The following HTT variants were observed in gnomAD, a reference collection of about 807,000 sequenced individuals.
HTT encodes the protein huntingtin, also known as huntington disease protein.
HTT carries 104 observed loss-of-function variants against 362.3 expected under a neutral mutation model. The observed-to-expected ratio is 0.29, with a 90% CI of 0.24 to 0.34. HTT has a LOEUF of 0.34. Ranked by LOEUF, HTT falls within the 10% of genes least tolerant of loss-of-function variation. The pLI, the probability that HTT is intolerant of heterozygous loss-of-function variation, is 1.00. For synonymous variants in HTT, 1,577 were observed against 1,548.7 expected (o/e 1.02, Z -0.43); for missense variants, 3,301 against 3,928.6 (o/e 0.84, Z 4.27).
chr4:3,235,165 G>A (rs779368582), intron 61 of HTT, 119 bp from the exon 62 acceptor site: 174 of 720,322 alleles, frequency 2.4e-4, no homozygotes, highest in Middle Eastern at 1.6e-3. Flanking sequence ...CAGGGTAGGC[G>A]CTCCCGGGAG....
chr4:3,130,277 CTT>C, intron 13 of HTT, 26 bp from the exon 14 acceptor site: 2 of 1,353,896 alleles, frequency 1.5e-6, no homozygotes. Flanking sequence ...AAATTTGTCA[CTT>C]AATCTTGATT....
intron 37 of HTT, among the ~76,000 whole-genome samples, chr4:3,185,028 A>C (rs1302536512): frequency 6.6e-6 from 1 of 152,164 alleles, no homozygotes; most frequent in Non-Finnish European, 1.5e-5. Context: ...GAGGGCACTG[A>C]TGAGTGCTTT....
chr4:3,197,487 T>C (rs1291015489), intron 40 of HTT, among the ~76,000 whole-genome samples: 2 of 152,094 alleles, frequency 1.3e-5, no homozygotes, highest in Non-Finnish European at 2.9e-5. Flanking sequence ...CCTCTCTATC[T>C]ACTAGGAGGT....
chr4:3,130,883 A>G (rs1000785192), intron 14 of HTT, among the ~76,000 whole-genome samples: 6 of 152,096 alleles, frequency 3.9e-5, no homozygotes, highest in Non-Finnish European at 8.8e-5. Flanking sequence ...GCATCTCCCT[A>G]TCTACCAGGC....
At chr4:3,145,857 T>A (rs1716573013) in intron 24 of HTT, among the ~76,000 whole-genome samples, 1 of 152,224 alleles carries the variant, frequency 6.6e-6, no homozygotes. Flanking sequence ...TTACATTATC[T>A]GCTCTAGAAT....
chr4:3,132,779 A>AG (rs1427981675), intron 17 of HTT, 35 bp from the exon 18 acceptor site: 3 of 1,612,506 alleles, frequency 1.9e-6, no homozygotes, highest in Non-Finnish European at 8.5e-7. Flanking sequence ...GTTTAAGTTT[A>AG]GATGATGATG....
At chr4:3,102,984 GACA>G in intron 3 of HTT, among the ~76,000 whole-genome samples, 1 of 152,118 alleles carries the variant, frequency 6.6e-6, no homozygotes, top group Non-Finnish European at 1.5e-5. Flanking sequence ...GGGCATACCT[GACA>G]GTGAGGAGGG....
At chr4:3,152,957 T>C (rs976701380) in intron 26 of HTT, among the ~76,000 whole-genome samples, 2 of 152,046 alleles carry the variant, frequency 1.3e-5, no homozygotes, top group African/African-American at 4.8e-5. Context: ...GGCTAACCTT[T>C]CATTTACTGT....
Position 3,129,910 on chromosome 4 carries a change from C to G in HTT, c.1744-14C>G. ...ACACTTCAAAATTCTCACAGCCCCC[C>G]TTGAACCGTTTAGGTGTTAGACGGT... is the stretch of plus-strand genomic sequence containing the variant. On this transcript the variant is annotated splice_polypyrimidine_tract_variant and intron_variant, in intron 12 of 66. Transcript: ENST00000355072. 6.2e-7 allele frequency: 1 copy of G among 1,613,988 alleles called. No individual in the cohort carries two copies. The highest frequency in any genetic ancestry group is 8.5e-7 in the Non-Finnish European group (1 of 1,179,902).
chr4:3,219,571 G>A (rs914498787), intron 52 of HTT, among the ~76,000 whole-genome samples: 3 of 152,168 alleles, frequency 2.0e-5, no homozygotes, highest in Admixed American at 2.0e-4. Flanking sequence ...AGCCCCCTCT[G>A]CCTTTGTGCA....
At chr4:3,153,140 A>C (rs1282636698) in intron 26 of HTT, among the ~76,000 whole-genome samples, 1 of 152,058 alleles carries the variant, frequency 6.6e-6, no homozygotes, top group Non-Finnish European at 1.5e-5. Flanking sequence ...TGGGAAGTCC[A>C]AGATCCAGGA....
At chr4:3,181,174 G>T (rs963281282) in intron 36 of HTT, among the ~76,000 whole-genome samples, 6 of 152,036 alleles carry the variant, frequency 3.9e-5, no homozygotes. Context: ...GAGCCACCAT[G>T]CCCAGCCTGG....
chr4:3,189,186 ACT>A lies in HTT; in HGVS notation c.5368+96_5368+97del, dbSNP rs1718906441. 3.1e-6 allele frequency: 4 copies of A among 1,288,208 alleles called. No homozygotes were observed. In the South Asian group the frequency reaches 4.4e-5, roughly 14 times the overall value. 79.8% of individuals were successfully genotyped at this position (1,288,208 alleles called of 1,614,324 possible). On this transcript the variant is annotated intron_variant, in intron 40 of 66. Transcript: ENST00000355072. The stretch of plus-strand genomic sequence containing the variant: ...GTAGGAGCTGTGCTGCCCGGTAGAA[ACT>A]CTGCCTTGCCCAGTGTGCCAGTTGA...
At chr4:3,158,194 G>C (rs915516306) in intron 28 of HTT, among the ~76,000 whole-genome samples, 4 of 152,034 alleles carry the variant, frequency 2.6e-5, no homozygotes, top group Admixed American at 2.0e-4. Context: ...AAGTTGCCTG[G>C]GCTGGTCTCA....
chr4:3,096,770 A>G (rs1336057233), intron 2 of HTT, among the ~76,000 whole-genome samples: 5 of 152,370 alleles, frequency 3.3e-5, no homozygotes, highest in Middle Eastern at 3.4e-3. Flanking sequence ...TTTCAAATCA[A>G]TGACCTCAGC....
chr4:3,193,934 G>A (rs967021914), intron 40 of HTT, among the ~76,000 whole-genome samples: 28 of 152,072 alleles, frequency 1.8e-4, no homozygotes, highest in African/African-American at 6.5e-4. Flanking sequence ...AGTAAGTTGT[G>A]TGTGTGTGTA....
rs766218489 is a variant in HTT at position 3,127,323 on chromosome 4, G to C, written c.1462G>C (p.Gly488Arg). The C allele has an allele frequency of 2.5e-6, 4 of 1,614,248 alleles. No homozygotes were observed. Among genetic ancestry groups the C allele is most frequent in the African/African-American group, 2.7e-5 (2 of 75,066 alleles). The change falls in exon 12 of 67, where the codon GGG becomes CGG. Residue 488 changes from glycine to arginine, a missense_variant. By Grantham distance (125) the Gly-to-Arg change is moderately radical. This residue lies in a region of HTT where 2,316 missense variants were observed against 2,658.5 expected (regional missense o/e 0.87). Coordinates refer to ENST00000355072, the MANE Select transcript of HTT (RefSeq NM_001388492.1). ...TGCTTCTTCAGGGGTTTCCACTCCA[G>C]GGTCAGCAGGTCATGACATCATCAC... The part of the protein sequence containing the change: ...LAASSGVSTP[G>R]SAGHDIITEQ...
In HTT at chr4:3,224,046, A is replaced by T; in HGVS notation, c.7680A>T (p.Ala2560=). ...GGATTGTGGAGCAAGAGATTCAAGC[A>T]ATGGTTTCAAAGAGAGAGAATATTG... is the stretch of plus-strand genomic sequence containing the variant. ...IRGIVEQEIQ[A]MVSKRENIAT... Residue 2560 remains alanine, a synonymous_variant, in exon 56 of 67, where the codon GCA becomes GCT. Transcript: ENST00000355072. 6.2e-7 allele frequency: 1 copy of T among 1,614,016 alleles called. No homozygotes were observed.
intron 40 of HTT, among the ~76,000 whole-genome samples, chr4:3,192,637 C>G (rs1476374441): frequency 6.6e-6 from 1 of 152,202 alleles, no homozygotes; most frequent in Non-Finnish European, 1.5e-5. Flanking sequence ...AACTGATGGT[C>G]TGCTGCAAGG....
Sources: gnomAD v4.1 joint callset for allele counts (sites outside exome capture counted in the v4.1 genomes callset) on GRCh38, gnomAD v4.1.1 for gene constraint, gnomAD v4.1.1 regional missense constraint, MANE v1.5 for transcripts, NCBI Gene and HGNC (gene_info 2026-07-23, HGNC 2026-07-21) for gene names.